Variants in SND1 observed in about 807,000 individuals in gnomAD.
SND1 encodes the protein staphylococcal nuclease domain-containing protein 1.
SND1 carries 38 observed loss-of-function variants against 121.7 expected under a neutral mutation model. The observed-to-expected ratio is 0.31, with a 90% CI of 0.24 to 0.41. The LOEUF (loss-of-function observed/expected upper bound fraction) is 0.41. Among genes scored for constraint, SND1 ranks in the 10% least tolerant of loss-of-function variants. The pLI, the probability that SND1 is intolerant of heterozygous loss-of-function variation, is 1.00. For missense variants in SND1, 868 were observed against 1,184.6 expected (o/e 0.73, Z 3.92); for synonymous variants, 401 against 447.4 (o/e 0.90, Z 1.31).
At position 128,040,437 on chromosome 7, in the gene SND1, TAAAAAAAAAAAA is replaced by T. The variant is rs67595921; in HGVS notation, c.1780-34047_1780-34036del. Among the ~76,000 whole-genome samples, 40 of 32,898 alleles carry T rather than the reference TAAAAAAAAAAAA, an allele frequency of 1.2e-3. 1 individual carries two copies. Among genetic ancestry groups the T allele is most frequent in the East Asian group, 2.2e-3 (3 of 1,392 alleles). The allele number at this position is 32,898 out of a possible 152,430, so 21.6% of individuals were successfully genotyped here. A position where few individuals can be genotyped will look rare whatever the true frequency, so the allele number is the denominator to read the frequency against. On this transcript the variant is annotated intron_variant, in intron 16 of 23. Coordinates refer to ENST00000354725, the MANE Select transcript of SND1 (RefSeq NM_014390.4). ...ATCAAACAGAGCAAGGTCCTATCTT[TAAAAAAAAAAAA>T]AAAAAAAAAAAAAAAAAGACATGGT...
chr7:127,857,975 T>G, intron 12 of SND1: 2 of 1,427,190 alleles, frequency 1.4e-6, no homozygotes, highest in Non-Finnish European at 9.9e-7. Flanking sequence ...TGGTCGCTGG[T>G]GAAGGGCCCA....
At chr7:127,893,673 G>A (rs981553490) in intron 13 of SND1, among the ~76,000 whole-genome samples, 3 of 152,026 alleles carry the variant, frequency 2.0e-5, no homozygotes, top group African/African-American at 7.2e-5. Context: ...GTTATCTCAG[G>A]AGAAGAGAAA....
At chr7:127,917,693 G>A (rs889864613) in intron 14 of SND1, among the ~76,000 whole-genome samples, 7 of 152,178 alleles carry the variant, frequency 4.6e-5, no homozygotes, top group Admixed American at 3.3e-4. Flanking sequence ...AAAGTGCTGG[G>A]AACACAGGTG....
intron 16 of SND1, among the ~76,000 whole-genome samples, chr7:128,034,944 G>A (rs1046303569): frequency 6.6e-5 from 10 of 152,216 alleles, no homozygotes; most frequent in African/African-American, 2.4e-4. Flanking sequence ...ATTTGGAATG[G>A]TGCCACCAAA....
At chr7:127,923,797 TCACCATA>T (rs555072372) in intron 14 of SND1, among the ~76,000 whole-genome samples, 13 of 152,286 alleles carry the variant, frequency 8.5e-5, no homozygotes, top group African/African-American at 2.6e-4. Context: ...CAGTGAATGA[TCACCATA>T]CACCATACAC....
chr7:127,732,886 A>T (rs1796704507), intron 10 of SND1, among the ~76,000 whole-genome samples: 1 of 152,182 alleles, frequency 6.6e-6, no homozygotes, highest in South Asian at 2.1e-4. Context: ...AGTGTTCTTC[A>T]TTCTGGCTTG....
chr7:127,809,833 C>G (rs938810292), intron 11 of SND1, among the ~76,000 whole-genome samples: 4 of 152,152 alleles, frequency 2.6e-5, no homozygotes, highest in Non-Finnish European at 5.9e-5. Flanking sequence ...TTGATGACCT[C>G]CATCCTAGTT....
At chr7:128,042,086 CT>C (rs1175958298) in intron 16 of SND1, among the ~76,000 whole-genome samples, 2 of 152,154 alleles carry the variant, frequency 1.3e-5, no homozygotes, top group Non-Finnish European at 2.9e-5. Flanking sequence ...TTCTCTATCA[CT>C]TTCTTGGTGA....
intron 4 of SND1, among the ~76,000 whole-genome samples, chr7:127,700,193 G>T (rs1243507355): frequency 6.6e-6 from 1 of 152,180 alleles, no homozygotes; most frequent in Non-Finnish European, 1.5e-5. Context: ...ATCTCCCCTG[G>T]AGTACCAGTC....
At chr7:128,028,602 C>T in intron 16 of SND1, 1 of 1,355,394 alleles carries the variant, frequency 7.4e-7, no homozygotes, top group East Asian at 2.3e-5. Context: ...AAGAAAAAGT[C>T]TCTCCCCACT....
chr7:127,823,843 T>G (rs115377354), intron 11 of SND1, among the ~76,000 whole-genome samples: 1 of 152,228 alleles, frequency 6.6e-6, no homozygotes, highest in Middle Eastern at 3.2e-3. Flanking sequence ...ATTTAGATAA[T>G]ATTATAAAGT....
chr7:127,928,064 A>G (rs1800877406), intron 14 of SND1: 1 of 152,220 alleles, frequency 6.6e-6, no homozygotes, highest in African/African-American at 2.4e-5. Flanking sequence ...AATTAGCTTG[A>G]GAGACTGAAA....
intron 10 of SND1, among the ~76,000 whole-genome samples, chr7:127,773,663 G>A (rs1225335636): frequency 1.3e-5 from 2 of 152,120 alleles, no homozygotes; most frequent in African/African-American, 4.8e-5. Context: ...AGTGTTAACT[G>A]AGCCCTCTTT....
chr7:127,732,746 A>G (rs950542534), intron 10 of SND1, among the ~76,000 whole-genome samples: 1 of 152,210 alleles, frequency 6.6e-6, no homozygotes, highest in Non-Finnish European at 1.5e-5. Context: ...TTCTGCTCCT[A>G]GAAGAAGTTA....
At chr7:127,912,575 A>G (rs575790377) in intron 14 of SND1, among the ~76,000 whole-genome samples, 13 of 152,316 alleles carry the variant, frequency 8.5e-5, no homozygotes, top group African/African-American at 1.7e-4. Context: ...AATTCACCTC[A>G]GTATTCCTAG....
At chr7:128,017,949 GC>G (rs1163832402) in intron 16 of SND1, among the ~76,000 whole-genome samples, 14 of 152,310 alleles carry the variant, frequency 9.2e-5, no homozygotes, top group Non-Finnish European at 1.3e-4. Flanking sequence ...CTTTACTCTG[GC>G]ACCTGACAAG....
chr7:127,797,016 C>T (rs1798041524), intron 10 of SND1, among the ~76,000 whole-genome samples: 1 of 151,810 alleles, frequency 6.6e-6, no homozygotes, highest in Non-Finnish European at 1.5e-5. Flanking sequence ...TCTCAGCCTC[C>T]CGAGTAGCTG....
chr7:127,904,650 C>T, intron 13 of SND1, 97 bp from the exon 14 acceptor site: 2 of 758,100 alleles, frequency 2.6e-6, no homozygotes, highest in Admixed American at 3.9e-5. Context: ...TACATCCCCA[C>T]TTTAACAACC....
intron 16 of SND1, among the ~76,000 whole-genome samples, chr7:128,032,823 T>C (rs369717092): frequency 7.2e-5 from 11 of 152,100 alleles, no homozygotes; most frequent in African/African-American, 2.2e-4. Context: ...CCTCCTGTGC[T>C]CTCACTGGGG....
Sources: allele counts gnomAD v4.1 joint callset (sites outside exome capture counted in the v4.1 genomes callset), GRCh38; gene constraint gnomAD v4.1.1; transcripts MANE v1.5; gene names NCBI Gene and HGNC (gene_info 2026-07-23, HGNC 2026-07-21).